The following EPHA6 variants were observed in gnomAD, a reference collection of about 807,000 sequenced individuals.
The protein encoded by EPHA6 is EPH receptor A6.
EPHA6 carries 50 observed loss-of-function variants against 112.0 expected under a neutral mutation model. The observed-to-expected ratio is 0.45, with a 90% CI of 0.36 to 0.56. EPHA6 has a LOEUF of 0.56. EPHA6 is among the 20% of genes least tolerant of loss of function. The probability of loss-of-function intolerance (pLI) is 0.00; values close to 1 mark genes in which losing one functional copy is unlikely to be tolerated. For synonymous variants in EPHA6, 529 were observed against 490.7 expected (o/e 1.08, Z -1.03); for missense variants, 1,280 against 1,417.4 (o/e 0.90, Z 1.56).
chr3:96,830,792 A>G (rs1487116334), intron 1 of EPHA6, among the ~76,000 whole-genome samples: 2 of 152,160 alleles, frequency 1.3e-5, no homozygotes, highest in Non-Finnish European at 2.9e-5. Flanking sequence ...TGGGGGGGAC[A>G]TTGATCACAG....
At chr3:97,470,577 T>C (rs987863277) in intron 7 of EPHA6, among the ~76,000 whole-genome samples, 1 of 151,692 alleles carries the variant, frequency 6.6e-6, no homozygotes, top group African/African-American at 2.4e-5. Flanking sequence ...AATTCTTTGG[T>C]TAAAAATAGC....
At chr3:97,356,552 G>C (rs1027429788) in intron 5 of EPHA6, among the ~76,000 whole-genome samples, 10 of 151,774 alleles carry the variant, frequency 6.6e-5, no homozygotes, top group Middle Eastern at 3.4e-3. Flanking sequence ...TTTCTTTCTT[G>C]ATACATTGAT....
intron 5 of EPHA6, among the ~76,000 whole-genome samples, chr3:97,292,187 A>G (rs1161148068): frequency 1.3e-5 from 2 of 152,270 alleles, no homozygotes; most frequent in Non-Finnish European, 2.9e-5. Flanking sequence ...ATGGCACCCG[A>G]AAGCTCGGAG....
At chr3:97,357,459 C>T (rs992037130) in intron 5 of EPHA6, among the ~76,000 whole-genome samples, 7 of 152,182 alleles carry the variant, frequency 4.6e-5, no homozygotes, top group African/African-American at 1.7e-4. Flanking sequence ...TCCTCAGCCT[C>T]CCAAATTGCT....
rs149093498 is a variant in EPHA6 at position 96,933,939 on chromosome 3, T to C, written c.451-53391T>C. ...TTGGAAGAAATGGCTTGGTATTTTA[T>C]GACTCAATTTTTATAACAATTGATG... On this transcript the variant is annotated intron_variant, in intron 2 of 17. Transcript: ENST00000389672. Among the ~76,000 whole-genome samples the C allele has an allele frequency of 3.1e-3, 470 of 152,140 alleles. 1 individual carries two copies. The highest frequency in any genetic ancestry group is 5.0e-3 in the Non-Finnish European group (338 of 67,894).
chr3:97,636,504 GT>G (rs762515596), intron 13 of EPHA6, among the ~76,000 whole-genome samples: 1 of 152,010 alleles, frequency 6.6e-6, no homozygotes, highest in Non-Finnish European at 1.5e-5. Context: ...CTCTAAGAGT[GT>G]TTTTTTAAGA....
intron 2 of EPHA6, among the ~76,000 whole-genome samples, chr3:96,942,412 G>T (rs1576118343): frequency 6.6e-6 from 1 of 151,950 alleles, no homozygotes; most frequent in African/African-American, 2.4e-5. Context: ...GACCCTCCGA[G>T]CTAGGTGTGG....
chr3:97,103,782 T>G (rs1462748166), intron 3 of EPHA6, among the ~76,000 whole-genome samples: 1 of 152,148 alleles, frequency 6.6e-6, no homozygotes, highest in East Asian at 1.9e-4. Flanking sequence ...TACATGATCA[T>G]GGAACGTTTT....
chr3:97,599,062 T>A (rs1229873185), intron 12 of EPHA6, among the ~76,000 whole-genome samples: 2 of 151,920 alleles, frequency 1.3e-5, no homozygotes, highest in Non-Finnish European at 2.9e-5. Context: ...CATAAATGTC[T>A]TCTTTTGAGA....
intron 15 of EPHA6, among the ~76,000 whole-genome samples, chr3:97,728,096 G>A (rs1204646289): frequency 2.0e-5 from 3 of 151,706 alleles, no homozygotes; most frequent in African/African-American, 7.3e-5. Context: ...TCATTTTCAT[G>A]CTCTTTGGAG....
At chr3:97,128,872 C>CTTTTTT (rs377407255) in intron 3 of EPHA6, among the ~76,000 whole-genome samples, 5 of 117,530 alleles carry the variant, frequency 4.3e-5, no homozygotes, top group Non-Finnish European at 6.9e-5. Flanking sequence ...ATTTTTATGT[C>CTTTTTT]TTTTTTTTTT....
chr3:97,221,273 G>GCACTC (rs1011318752), intron 3 of EPHA6, among the ~76,000 whole-genome samples: 2 of 117,936 alleles, frequency 1.7e-5, no homozygotes, highest in Admixed American at 2.4e-4. Context: ...TCCTGCCACT[G>GCACTC]CACTCCAGCC....
At chr3:97,337,036 T>C (rs548764067) in intron 5 of EPHA6, among the ~76,000 whole-genome samples, 1 of 152,132 alleles carries the variant, frequency 6.6e-6, no homozygotes, top group African/African-American at 2.4e-5. Flanking sequence ...CAATGTTCTC[T>C]CTACATCTCA....
At chr3:97,389,065 A>C (rs770977344) in intron 5 of EPHA6, among the ~76,000 whole-genome samples, 10 of 152,178 alleles carry the variant, frequency 6.6e-5, no homozygotes, top group Admixed American at 2.0e-4. Context: ...AGAAGCAGGG[A>C]AAGGGAACTA....
chr3:97,612,916 T>A (rs2093732514), intron 13 of EPHA6, among the ~76,000 whole-genome samples: 1 of 152,116 alleles, frequency 6.6e-6, no homozygotes, highest in Non-Finnish European at 1.5e-5. Flanking sequence ...CAAACTCAAG[T>A]CTCTATGACT....
rs139581693 is a variant in EPHA6, at chr3:97,039,862, T to C, written c.1114+51869T>C. 1.2e-3 allele frequency among the ~76,000 whole-genome samples: 183 copies of C among 152,072 alleles called. 1 individual carries two copies. The highest frequency in any genetic ancestry group is 4.2e-3 in the African/African-American group (174 of 41,522). ...TAATTGGACACTGAGCAAATTGCAG[T>C]CTCAAAGCCAGCCCTCGTAACCTTT... is the stretch of plus-strand genomic sequence containing the variant. On this transcript the variant is annotated intron_variant, in intron 3 of 17. Transcript: ENST00000389672.
Position 97,753,523 on chromosome 3 carries a change from C to G in EPHA6, c.*4822C>G, listed in dbSNP as rs1318332841. Among the ~76,000 whole-genome samples the G allele has an allele frequency of 6.6e-6, 1 of 152,120 alleles. No individual in the cohort carries two copies. Among genetic ancestry groups the G allele is most frequent in the Non-Finnish European group, 1.5e-5 (1 of 68,016 alleles). ...CAGTTTCTCTCATTAACAGTTGATC[C>G]TCTTCAGGAGTCACAGATTTTTATT... is the stretch of plus-strand genomic sequence containing the variant. On this transcript the variant is annotated 3_prime_UTR_variant, in exon 18 of 18. Coordinates refer to ENST00000389672, the MANE Select transcript of EPHA6 (RefSeq NM_001080448.3).
intron 3 of EPHA6, among the ~76,000 whole-genome samples, chr3:97,157,713 G>A (rs1232071863): frequency 1.3e-5 from 2 of 152,088 alleles, no homozygotes; most frequent in African/African-American, 2.4e-5. Flanking sequence ...GCCCAAAGAT[G>A]AGAAAAGACC....
intron 10 of EPHA6, among the ~76,000 whole-genome samples, chr3:97,523,468 G>GT (rs2092573690): frequency 6.6e-6 from 1 of 152,004 alleles, no homozygotes; most frequent in Admixed American, 6.6e-5. Context: ...AGAATGTTCT[G>GT]TGTGCACTTG....
Sources: allele counts gnomAD v4.1 joint callset (sites outside exome capture counted in the v4.1 genomes callset), GRCh38; gene constraint gnomAD v4.1.1; transcripts MANE v1.5; gene names NCBI Gene and HGNC (gene_info 2026-07-23, HGNC 2026-07-21).